The following NCAM1 variants were observed in gnomAD, a reference collection of about 807,000 sequenced individuals.
The protein encoded by NCAM1 is antigen recognized by monoclonal antibody 5.1H11.
In NCAM1, 14 loss-of-function variants were observed where a neutral mutation model predicts 109.8. The observed-to-expected ratio is 0.13, with a 90% CI of 0.08 to 0.20. The LOEUF is 0.20. NCAM1 is among the 10% of genes least tolerant of loss of function. NCAM1 has a pLI of 1.00. For missense variants in NCAM1, 774 were observed against 1,109.9 expected (o/e 0.70, Z 4.30); for synonymous variants, 418 against 442.9 (o/e 0.94, Z 0.70).
chr11:113,086,535 G>A (rs560463695), intron 1 of NCAM1, among the ~76,000 whole-genome samples: 9 of 152,262 alleles, frequency 5.9e-5, no homozygotes, highest in African/African-American at 2.2e-4. Flanking sequence ...AGATGCTCAG[G>A]GATGTGTCTT....
At chr11:113,122,036 G>A (rs1940984652) in intron 1 of NCAM1, among the ~76,000 whole-genome samples, 1 of 152,118 alleles carries the variant, frequency 6.6e-6, no homozygotes, top group South Asian at 2.1e-4. Context: ...ACACCATGGA[G>A]GCAGAAAGGG....
intron 1 of NCAM1, among the ~76,000 whole-genome samples, chr11:113,001,188 G>A (rs1443880136): frequency 2.6e-5 from 4 of 152,256 alleles, no homozygotes; most frequent in Admixed American, 2.6e-4. Flanking sequence ...TAGGTCTGGA[G>A]CGATCACCAC....
chr11:113,203,902 G>A (rs187805964), intron 2 of NCAM1, among the ~76,000 whole-genome samples: 10 of 152,282 alleles, frequency 6.6e-5, no homozygotes, highest in Admixed American at 3.3e-4. Context: ...AGGCTCTGGC[G>A]CCCGAATCCT....
chr11:113,096,385 A>G (rs1398493385), intron 1 of NCAM1, among the ~76,000 whole-genome samples: 5 of 152,234 alleles, frequency 3.3e-5, no homozygotes, highest in African/African-American at 1.2e-4. Flanking sequence ...TAAAGGAGAG[A>G]GAATTGTCAG....
chr11:113,202,888 G>T (rs1166784853), intron 2 of NCAM1, among the ~76,000 whole-genome samples: 6 of 152,176 alleles, frequency 3.9e-5, no homozygotes, highest in Non-Finnish European at 8.8e-5. Flanking sequence ...TCTAAAACTT[G>T]CCTGTAGGTA....
intron 1 of NCAM1, among the ~76,000 whole-genome samples, chr11:113,196,290 C>G (rs1273320028): frequency 6.6e-6 from 1 of 152,102 alleles, no homozygotes; most frequent in South Asian, 2.1e-4. Context: ...TTGTCTGGAG[C>G]CCCCCATGTT....
At chr11:113,045,841 A>G (rs542246188) in intron 1 of NCAM1, among the ~76,000 whole-genome samples, 2 of 151,972 alleles carry the variant, frequency 1.3e-5, no homozygotes, top group East Asian at 3.9e-4. Flanking sequence ...TTTGGATAAA[A>G]GAGTTTTTTT....
chr11:113,223,078 C>G (rs782816873), intron 9 of NCAM1, among the ~76,000 whole-genome samples: 4 of 152,102 alleles, frequency 2.6e-5, no homozygotes, highest in Admixed American at 1.3e-4. Flanking sequence ...TATCATTAAC[C>G]TTCATATTTT....
At chr11:113,250,280 C>T (rs185428043) in intron 15 of NCAM1, among the ~76,000 whole-genome samples, 5 of 152,308 alleles carry the variant, frequency 3.3e-5, no homozygotes, top group Admixed American at 6.5e-5. Flanking sequence ...CAGGGAGAGA[C>T]ATGAGGATCC....
intron 10 of NCAM1, 148 bp downstream of exon 10, chr11:113,231,943 T>G: frequency 2.6e-6 from 3 of 1,162,882 alleles, no homozygotes; most frequent in Non-Finnish European, 3.7e-6. Flanking sequence ...CAGAGCTCTG[T>G]TCCCAAGCCA....
At chr11:113,157,436 C>T (rs181312683) in intron 1 of NCAM1, among the ~76,000 whole-genome samples, 5 of 152,322 alleles carry the variant, frequency 3.3e-5, no homozygotes, top group African/African-American at 1.2e-4. Flanking sequence ...ATGCATTCTT[C>T]TGTCCTCTTT....
At chr11:113,004,303 G>C (rs927371458) in intron 1 of NCAM1, among the ~76,000 whole-genome samples, 10 of 152,054 alleles carry the variant, frequency 6.6e-5, no homozygotes, top group Non-Finnish European at 1.2e-4. Context: ...GACCAGCCTG[G>C]CCAAGATGGT....
In NCAM1 at chr11:113,233,932, C is replaced by T. The variant is rs1057071515; in HGVS notation, c.1693+615C>T. On this transcript the variant is annotated intron_variant, in intron 13 of 19. Coordinates refer to ENST00000316851, the MANE Select transcript of NCAM1 (RefSeq NM_181351.5). The surrounding 1 kb of genome is among the most constrained non-coding windows in gnomAD (Gnocchi z 4.5). Reference sequence around the variant, plus strand: ...CCCTTTTTGGGTTTAATTGGAATAACTCAGTGAAGTATGTTTTGTTTCTGT... The same window carrying T: ...CCCTTTTTGGGTTTAATTGGAATAATTCAGTGAAGTATGTTTTGTTTCTGT... Among the ~76,000 whole-genome samples the T allele has an allele frequency of 6.6e-6, 1 of 152,156 alleles. No individual in the cohort carries two copies. The highest frequency in any genetic ancestry group is 6.5e-5 in the Admixed American group (1 of 15,272).
chr11:113,254,654 T>C (rs1480194497), intron 15 of NCAM1, among the ~76,000 whole-genome samples: 1 of 152,190 alleles, frequency 6.6e-6, no homozygotes, highest in Non-Finnish European at 1.5e-5. Flanking sequence ...GCCAATGGTG[T>C]AGTTTTAGGT....
intron 17 of NCAM1, among the ~76,000 whole-genome samples, chr11:113,265,757 A>G (rs781987447): frequency 5.7e-4 from 86 of 152,086 alleles, no homozygotes; most frequent in Non-Finnish European, 1.1e-3. Context: ...CAAGAGTCTG[A>G]CCATCTTCTG....
At chr11:113,135,863 G>A (rs1941579073) in intron 1 of NCAM1, among the ~76,000 whole-genome samples, 1 of 152,086 alleles carries the variant, frequency 6.6e-6, no homozygotes, top group South Asian at 2.1e-4. Context: ...ATGGGTCTAG[G>A]GAGTACCTCT....
intron 1 of NCAM1, among the ~76,000 whole-genome samples, chr11:112,990,689 T>TACC (rs1951437150): frequency 6.6e-6 from 1 of 152,084 alleles, no homozygotes; most frequent in African/African-American, 2.4e-5. Context: ...TGTGATTTTT[T>TACC]CTGGGTCCCA....
chr11:113,162,552 C>T (rs1330619756), intron 1 of NCAM1, among the ~76,000 whole-genome samples: 1 of 152,100 alleles, frequency 6.6e-6, no homozygotes, highest in Admixed American at 6.5e-5. Context: ...CATGGAAAGC[C>T]AGCCCATGAT....
intron 1 of NCAM1, among the ~76,000 whole-genome samples, chr11:113,172,197 A>C (rs1321428381): frequency 6.6e-6 from 1 of 152,116 alleles, no homozygotes; most frequent in Non-Finnish European, 1.5e-5. Flanking sequence ...AGTACATCTC[A>C]TCTCTTATTC....
Sources: allele counts gnomAD v4.1 joint callset (sites outside exome capture counted in the v4.1 genomes callset), GRCh38; gene constraint gnomAD v4.1.1; non-coding constraint Gnocchi (gnomAD v3.1); transcripts MANE v1.5; gene names NCBI Gene and HGNC (gene_info 2026-07-23, HGNC 2026-07-21).